The following MECOM variants were observed in gnomAD, a reference collection of about 807,000 sequenced individuals.
MECOM encodes the protein histone-lysine N-methyltransferase MECOM.
MECOM carries 13 observed loss-of-function variants against 116.3 expected under a neutral mutation model. The observed-to-expected ratio is 0.11, with a 90% confidence interval of 0.07 to 0.18. The LOEUF is 0.18. Ranked by LOEUF, MECOM falls within the 10% of genes least tolerant of loss-of-function variation. The pLI is 1.00. For synonymous variants in MECOM, 528 were observed against 535.2 expected, an observed-to-expected ratio of 0.99 and a Z score of 0.19; for missense variants, 1,299 against 1,509.0, an observed-to-expected ratio of 0.86 and a Z score of 2.31.
At chr3:169,590,209 CT>C (rs1766246409) in intron 1 of MECOM, among the ~76,000 whole-genome samples, 1 of 152,160 alleles carries the variant, frequency 6.6e-6, no homozygotes, top group East Asian at 1.9e-4. Context: ...TGCTACATCT[CT>C]GGGGGAAAAT....
intron 1 of MECOM, among the ~76,000 whole-genome samples, chr3:169,609,581 T>G (rs2109808762): frequency 6.6e-6 from 1 of 152,282 alleles, no homozygotes; most frequent in South Asian, 2.1e-4. Context: ...ACACCCTTGT[T>G]TAAGCTTCTG....
chr3:169,386,145 T>G (rs1733280309), intron 1 of MECOM, among the ~76,000 whole-genome samples: 1 of 152,210 alleles, frequency 6.6e-6, no homozygotes, highest in African/African-American at 2.4e-5. Flanking sequence ...TTTATATGTG[T>G]CTTTGAATAA....
At chr3:169,232,242 C>T (rs1227497965) in intron 2 of MECOM, among the ~76,000 whole-genome samples, 2 of 152,042 alleles carry the variant, frequency 1.3e-5, no homozygotes, top group Non-Finnish European at 2.9e-5. Flanking sequence ...AAAGATCATA[C>T]CAAAAATTAC....
intron 1 of MECOM, among the ~76,000 whole-genome samples, chr3:169,409,519 T>C (rs1737222090): frequency 6.6e-6 from 1 of 152,174 alleles, no homozygotes; most frequent in African/African-American, 2.4e-5. Context: ...CACAGGTGAG[T>C]ACATTTTGTA....
chr3:169,163,116 TGCTGTA>T, intron 2 of MECOM, among the ~76,000 whole-genome samples: 1 of 152,318 alleles, frequency 6.6e-6, no homozygotes, highest in South Asian at 2.1e-4. Flanking sequence ...CAGTTTTCTG[TGCTGTA>T]GTTACTTAAA....
intron 3 of MECOM, 39 bp from the exon 4 acceptor site, chr3:169,131,570 A>G (rs779827800): frequency 2.0e-6 from 3 of 1,503,104 alleles, no homozygotes; most frequent in Non-Finnish European, 2.7e-6. Flanking sequence ...ATCAGGAAAG[A>G]GAGAGATGTA....
At chr3:169,621,051 T>G (rs960829673) in intron 1 of MECOM, among the ~76,000 whole-genome samples, 1 of 152,222 alleles carries the variant, frequency 6.6e-6, no homozygotes, top group Non-Finnish European at 1.5e-5. Flanking sequence ...TGAGGCCAGC[T>G]GCTCTCCAAT....
At chr3:169,118,690 G>A (rs895627324) in intron 7 of MECOM, among the ~76,000 whole-genome samples, 3 of 150,528 alleles carry the variant, frequency 2.0e-5, no homozygotes, top group Non-Finnish European at 4.4e-5. Flanking sequence ...AGGAAATGTT[G>A]CTCTCTACAC....
chr3:169,503,053 T>C (rs532974372), intron 1 of MECOM, among the ~76,000 whole-genome samples: 20 of 152,318 alleles, frequency 1.3e-4, no homozygotes, highest in African/African-American at 4.6e-4. Context: ...AGGCAATTCA[T>C]TGGCATGTAT....
intron 1 of MECOM, among the ~76,000 whole-genome samples, chr3:169,648,104 GT>G (rs1774407420): frequency 6.6e-6 from 1 of 152,136 alleles, no homozygotes. Context: ...ATAATGACAT[GT>G]TATGACATGG....
In MECOM at chr3:169,381,223, C is replaced by G; in HGVS notation, c.339G>C (p.Gln113His). The G allele has an allele frequency of 6.2e-7, 1 of 1,612,652 alleles. No homozygotes were observed. The highest frequency in any genetic ancestry group is 8.5e-7 in the Non-Finnish European group (1 of 1,178,766). ...GEKFGPYVGE[Q>H]RSNLKDPSYG... ...AACTGGGGTCTTTCAGGTTTGACCT[C>G]TGCTCTCCCACATAAGGCCCAAACT... is the stretch of plus-strand genomic sequence containing the variant. The change falls in exon 2 of 17, where the codon CAG (glutamine) becomes CAC (histidine). Residue 113 changes from glutamine to histidine, a missense_variant. Physicochemically the swap from Gln to His is conservative, Grantham distance 24. Transcript: ENST00000651503.
At chr3:169,294,192 A>G (rs1352799548) in intron 2 of MECOM, among the ~76,000 whole-genome samples, 1 of 152,074 alleles carries the variant, frequency 6.6e-6, no homozygotes, top group African/African-American at 2.4e-5. Context: ...TTAACCTTCC[A>G]GGATCTTGGT....
intron 2 of MECOM, chr3:169,269,162 G>A (rs1758644953): frequency 6.6e-6 from 1 of 151,844 alleles, no homozygotes; most frequent in African/African-American, 2.4e-5. Context: ...ATTCCTAGGT[G>A]GTCAGCCTGC....
intron 1 of MECOM, among the ~76,000 whole-genome samples, chr3:169,603,499 T>C (rs1768090988): frequency 6.6e-6 from 1 of 152,218 alleles, no homozygotes; most frequent in Non-Finnish European, 1.5e-5. Context: ...TCTGCAGCAG[T>C]GTACTGCAAA....
At chr3:169,351,726 C>T (rs1426440892) in intron 2 of MECOM, among the ~76,000 whole-genome samples, 2 of 151,686 alleles carry the variant, frequency 1.3e-5, no homozygotes, top group Non-Finnish European at 1.5e-5. Flanking sequence ...CCTTGTCAGC[C>T]TATTGCAGGT....
intron 2 of MECOM, among the ~76,000 whole-genome samples, chr3:169,351,412 T>C (rs1388375535): frequency 6.6e-6 from 1 of 151,904 alleles, no homozygotes; most frequent in East Asian, 1.9e-4. Flanking sequence ...CACAGTAATG[T>C]ATTTATGTAT....
intron 2 of MECOM, among the ~76,000 whole-genome samples, chr3:169,301,246 T>C (rs1716663688): frequency 6.6e-6 from 1 of 152,346 alleles, no homozygotes; most frequent in Non-Finnish European, 1.5e-5. Context: ...CAGACTTTAT[T>C]CCTCCAATCA....
intron 2 of MECOM, among the ~76,000 whole-genome samples, chr3:169,185,906 A>G (rs915814017): frequency 3.9e-5 from 6 of 152,156 alleles, no homozygotes; most frequent in African/African-American, 9.7e-5. Context: ...GGGCTCTGCC[A>G]TGCTTTCTTT....
At position 169,656,884 on chromosome 3, in the gene MECOM, C is replaced by T. The variant is rs568551760; in HGVS notation, c.37+6452G>A. ...AAAATTCAGTATGTACTTCTTAGAA[C>T]AACTATGTTTCTATATAGATAAAAA... On this transcript the variant is annotated intron_variant, in intron 1 of 16. Coordinates refer to ENST00000651503, the MANE Select transcript of MECOM (RefSeq NM_004991.4). 4.6e-5 allele frequency among the ~76,000 whole-genome samples: 7 copies of T among 152,250 alleles called. No homozygotes were observed. In the East Asian group the frequency reaches 5.8e-4, roughly 13 times the overall value.
Sources: gnomAD v4.1 joint callset for allele counts (sites outside exome capture counted in the v4.1 genomes callset) on GRCh38, gnomAD v4.1.1 for gene constraint, MANE v1.5 for transcripts, NCBI Gene and HGNC (gene_info 2026-07-23, HGNC 2026-07-21) for gene names.